SNX9: variants seen among roughly 807,000 people sequenced by gnomAD.
The protein encoded by SNX9 is sorting nexin 9.
SNX9 carries 44 observed loss-of-function variants against 89.4 expected under a neutral mutation model. The ratio of observed to expected loss-of-function variants is 0.49; its 90% CI spans 0.39 to 0.63. The LOEUF (loss-of-function observed/expected upper bound fraction) is 0.63. Among genes scored for constraint, SNX9 ranks in the 30% least tolerant of loss-of-function variants. SNX9 has a pLI of 0.00. For synonymous variants in SNX9, 236 were observed against 247.8 expected (o/e 0.95, Z 0.45); for missense variants, 578 against 736.1 (o/e 0.79, Z 2.49).
chr6:157,909,620 T>C, intron 7 of SNX9, 45 bp from the exon 8 acceptor site: 3 of 1,608,118 alleles, frequency 1.9e-6, no homozygotes, highest in Non-Finnish European at 1.7e-6. Context: ...GTATTTATTA[T>C]TTTTCCATGT....
chr6:157,905,999 C>A, intron 6 of SNX9, 129 bp from the exon 7 acceptor site: 1 of 657,606 alleles, frequency 1.5e-6, no homozygotes. Flanking sequence ...TTTCATTTAC[C>A]ACAGTTTCCA....
intron 4 of SNX9, among the ~76,000 whole-genome samples, 163 bp from the exon 5 acceptor site, chr6:157,896,662 CAT>C (rs1782982995): frequency 6.6e-6 from 1 of 152,236 alleles, no homozygotes; most frequent in Non-Finnish European, 1.5e-5. Context: ...TGCTTTCCTA[CAT>C]GTTTGGAAAT....
At chr6:157,837,896 T>C (rs151306605) in intron 1 of SNX9, among the ~76,000 whole-genome samples, 1 of 152,342 alleles carries the variant, frequency 6.6e-6, no homozygotes, top group Non-Finnish European at 1.5e-5. Context: ...GCATATGCTG[T>C]ACCATTAATT....
intron 12 of SNX9, among the ~76,000 whole-genome samples, chr6:157,930,199 C>T (rs1455044868): frequency 1.3e-5 from 2 of 152,192 alleles, no homozygotes; most frequent in East Asian, 3.8e-4. Flanking sequence ...TTACCATCCA[C>T]ATATTATCTT....
chr6:157,867,167 G>A (rs1782281098), intron 1 of SNX9, among the ~76,000 whole-genome samples: 1 of 152,052 alleles, frequency 6.6e-6, no homozygotes, highest in Non-Finnish European at 1.5e-5. Flanking sequence ...TGCTCAGGCT[G>A]GTCTCGAACC....
chr6:157,867,184 C>T (rs566105021), intron 1 of SNX9, among the ~76,000 whole-genome samples: 8 of 152,250 alleles, frequency 5.3e-5, no homozygotes, highest in African/African-American at 1.9e-4. Context: ...AACCCCTGGC[C>T]TCAAGCAATC....
chr6:157,920,090 C>T (rs2115190663), intron 9 of SNX9, among the ~76,000 whole-genome samples: 1 of 152,320 alleles, frequency 6.6e-6, no homozygotes, highest in African/African-American at 2.4e-5. Context: ...AGTTGGGGCT[C>T]CTGTCCTCTG....
At chr6:157,898,571 G>T (rs947770166) in intron 5 of SNX9, among the ~76,000 whole-genome samples, 1 of 152,188 alleles carries the variant, frequency 6.6e-6, no homozygotes, top group African/African-American at 2.4e-5. Flanking sequence ...TAAGACCTCT[G>T]CATTCACTGT....
intron 1 of SNX9, among the ~76,000 whole-genome samples, chr6:157,825,116 C>T (rs1204486210): frequency 6.6e-6 from 1 of 152,118 alleles, no homozygotes; most frequent in East Asian, 1.9e-4. Context: ...GGCGTGGTGG[C>T]GCGCGCCTGT....
rs753567523 is a variant in SNX9 at position 157,924,795 on chromosome 6, C to CA, written c.1081-2312dup. 7.9e-5 allele frequency: 12 copies of CA among 152,292 alleles called. No individual in the cohort carries two copies. The East Asian group carries it at 1.7e-3, about 22-fold the overall frequency. The allele number at this position is 152,292 out of a possible 1,614,324, so 9.4% of individuals were successfully genotyped here. A position where few individuals can be genotyped will look rare whatever the true frequency, so the allele number is the denominator to read the frequency against. Reference sequence around the variant, plus strand: ...CTAATGATATTTTTAAAAAGATTGGCAAAAGTGTTGGTAATTATCGAAGCT... The same window carrying CA: ...CTAATGATATTTTTAAAAAGATTGGCAAAAAGTGTTGGTAATTATCGAAGCT... On this transcript the variant is annotated intron_variant, in intron 10 of 17. Coordinates refer to ENST00000392185, the MANE Select transcript of SNX9 (RefSeq NM_016224.5).
At chr6:157,876,010 A>T (rs1782512068) in intron 4 of SNX9, among the ~76,000 whole-genome samples, 1 of 152,114 alleles carries the variant, frequency 6.6e-6, no homozygotes, top group Non-Finnish European at 1.5e-5. Context: ...AAAAGAATTA[A>T]AATATTGTTA....
In SNX9 at chr6:157,859,939, A is replaced by G. The variant is rs79037058; in HGVS notation, c.13-7608A>G. On this transcript the variant is annotated intron_variant, in intron 1 of 17. Coordinates refer to ENST00000392185, the MANE Select transcript of SNX9 (RefSeq NM_016224.5). ...CCGGGTCATGTTATAGGAGTCAGCA[A>G]ATTTTGGCCCATGAACAAAATCTAG... 4.0e-3 allele frequency among the ~76,000 whole-genome samples: 614 copies of G among 152,338 alleles called. 5 individuals are homozygous for G. The highest frequency in any genetic ancestry group is 5.5e-3 in the Non-Finnish European group (374 of 68,038).
intron 1 of SNX9, among the ~76,000 whole-genome samples, chr6:157,833,252 A>G (rs953428271): frequency 6.6e-6 from 1 of 152,178 alleles, no homozygotes; most frequent in Non-Finnish European, 1.5e-5. Context: ...CAAGATTTTA[A>G]GTAATGAATA....
chr6:157,909,814 C>T, intron 8 of SNX9, 24 bp downstream of exon 8: 1 of 1,613,306 alleles, frequency 6.2e-7, no homozygotes, highest in Non-Finnish European at 8.5e-7. Flanking sequence ...TTATCAAAAG[C>T]AGAATCATGT....
chr6:157,835,000 G>C (rs964332963), intron 1 of SNX9, among the ~76,000 whole-genome samples: 1 of 152,148 alleles, frequency 6.6e-6, no homozygotes, highest in African/African-American at 2.4e-5. Context: ...ATACCAAAAA[G>C]TATAGACATT....
At chr6:157,825,109 G>T (rs768105039) in intron 1 of SNX9, among the ~76,000 whole-genome samples, 1 of 152,150 alleles carries the variant, frequency 6.6e-6, no homozygotes, top group African/African-American at 2.4e-5. Flanking sequence ...TTAGCTGGGC[G>T]TGGTGGCGCG....
At chr6:157,873,884 GC>G (rs889445112) in intron 3 of SNX9, among the ~76,000 whole-genome samples, 141 of 152,206 alleles carry the variant, frequency 9.3e-4, no homozygotes, top group African/African-American at 3.2e-3. Flanking sequence ...GGCTGGTCCT[GC>G]CTGGGACACC....
Position 157,943,232 on chromosome 6 carries a change from T to A in SNX9, c.*394T>A, listed in dbSNP as rs1583253212. On this transcript the variant is annotated 3_prime_UTR_variant, in exon 18 of 18. Transcript: ENST00000392185. ...CTTCCAGTTCTTACCCAGTGTCAGA[T>A]AATTAATTACTAATTACTTTCTTAA... The A allele has an allele frequency of 1.3e-5, 2 of 157,108 alleles. No individual in the cohort carries two copies. The highest frequency in any genetic ancestry group is 3.6e-4 in the East Asian group (2 of 5,536). 9.7% of individuals were successfully genotyped at this position (157,108 alleles called of 1,614,324 possible). A position where few individuals can be genotyped will look rare whatever the true frequency, so the allele number is the denominator to read the frequency against.
intron 15 of SNX9, 58 bp downstream of exon 15, chr6:157,937,581 G>A (rs910299119): frequency 4.9e-5 from 55 of 1,119,644 alleles, no homozygotes; most frequent in Admixed American, 2.1e-4. Flanking sequence ...GCAGATGTGC[G>A]CAGTAGTCAG....
Sources: gnomAD v4.1 joint callset for allele counts (sites outside exome capture counted in the v4.1 genomes callset) on GRCh38, gnomAD v4.1.1 for gene constraint, MANE v1.5 for transcripts, NCBI Gene and HGNC (gene_info 2026-07-23, HGNC 2026-07-21) for gene names.